The following SLC26A8 variants were observed in gnomAD, a reference collection of about 807,000 sequenced individuals.
SLC26A8 encodes solute carrier family 26 member 8.
A neutral mutation model predicts 105.0 loss-of-function variants in SLC26A8; 70 were observed. That is an observed-to-expected ratio of 0.67 (90% CI 0.55 to 0.81). SLC26A8 has a LOEUF of 0.81. SLC26A8 is among the 40% of genes least tolerant of loss of function. The pLI, the probability that SLC26A8 is intolerant of heterozygous loss-of-function variation, is 0.00. For missense variants in SLC26A8, 998 were observed against 1,181.8 expected (o/e 0.84, Z 2.28); for synonymous variants, 415 against 438.3 (o/e 0.95, Z 0.66).
intron 16 of SLC26A8, among the ~76,000 whole-genome samples, chr6:35,956,373 A>G (rs1444882061): frequency 1.4e-5 from 2 of 147,218 alleles, no homozygotes; most frequent in Non-Finnish European, 3.0e-5. Context: ...GGCTGCAGTG[A>G]GCTGTGACCA....
chr6:35,994,865 C>T (rs1013515467), intron 5 of SLC26A8, among the ~76,000 whole-genome samples: 2 of 152,254 alleles, frequency 1.3e-5, no homozygotes, highest in African/African-American at 4.8e-5. Context: ...GCGTGAGCCA[C>T]TGTGGCTGGC....
intron 11 of SLC26A8, among the ~76,000 whole-genome samples, chr6:35,968,550 C>A (rs368624878): frequency 2.5e-5 from 3 of 120,288 alleles, no homozygotes; most frequent in Admixed American, 1.6e-4. Flanking sequence ...TCTATCTACA[C>A]ACCATATAAA....
In SLC26A8 at chr6:35,992,980, G is replaced by C. The variant is rs1761220540; in HGVS notation, c.628-306C>G. Among the ~76,000 whole-genome samples the C allele has an allele frequency of 2.0e-5, 3 of 152,140 alleles. No individual in the cohort carries two copies. The South Asian group carries it at 6.2e-4, about 32-fold the overall frequency. ...TTGACTTGGGGAAAACAGGGACAAG[G>C]TGATCAGAACAAGCCTTTGCCTATT... On this transcript the variant is annotated intron_variant, in intron 5 of 19. Coordinates refer to ENST00000490799, the MANE Select transcript of SLC26A8 (RefSeq NM_052961.4).
At chr6:35,953,202 C>T (rs748345698) in intron 17 of SLC26A8, among the ~76,000 whole-genome samples, 24 of 151,976 alleles carry the variant, frequency 1.6e-4, no homozygotes, top group African/African-American at 4.4e-4. Flanking sequence ...AAGTGAAAGG[C>T]GTCTGACATT....
chr6:35,949,956 C>A lies in SLC26A8; in HGVS notation c.2472+1207G>T, dbSNP rs188073170. Among the ~76,000 whole-genome samples, 444 of 152,140 alleles carry A rather than the reference C, an allele frequency of 2.9e-3. 1 individual carries two copies. Among genetic ancestry groups the A allele is most frequent in the African/African-American group, 0.01 (421 of 41,524 alleles). On this transcript the variant is annotated intron_variant, in intron 19 of 19. Transcript: ENST00000490799. Reference sequence around the variant, plus strand: ...AAGTAGCTGGGACTACAGGCGCGTGCCACCACGCCCGGCTAATTTTTTTGT... The same window carrying A: ...AAGTAGCTGGGACTACAGGCGCGTGACACCACGCCCGGCTAATTTTTTTGT...
intron 7 of SLC26A8, among the ~76,000 whole-genome samples, chr6:35,986,248 G>A (rs1773520637): frequency 6.6e-6 from 1 of 151,846 alleles, no homozygotes; most frequent in Non-Finnish European, 1.5e-5. Context: ...TGGCCAGGCT[G>A]GTATCGAACT....
intron 2 of SLC26A8, among the ~76,000 whole-genome samples, chr6:36,013,151 A>G (rs377144179): frequency 2.6e-5 from 4 of 152,118 alleles, no homozygotes; most frequent in African/African-American, 9.6e-5. Flanking sequence ...GTAGATCTCA[A>G]CTAGGTGCAG....
intron 12 of SLC26A8, among the ~76,000 whole-genome samples, 161 bp downstream of exon 12, chr6:35,962,365 A>G (rs1772341601): frequency 6.6e-6 from 1 of 152,174 alleles, no homozygotes; most frequent in African/African-American, 2.4e-5. Context: ...TTCATGTACC[A>G]ACAACCTTGA....
rs774810182 is a variant in SLC26A8, at chr6:35,955,386, C to T, written c.1998G>A (p.Ser666=). 18 of 1,614,138 alleles carry T rather than the reference C, an allele frequency of 1.1e-5. No individual in the cohort carries two copies. Among genetic ancestry groups the T allele is most frequent in the Middle Eastern group, 1.6e-4 (1 of 6,062 alleles). ...GCCCTTGATTTTTCTGAGACACGGACGATACTGTGTATGGCACTTGGTCTT... is the reference window on the plus strand; with the variant it reads ...GCCCTTGATTTTTCTGAGACACGGATGATACTGTGTATGGCACTTGGTCTT... The part of the protein sequence containing the change: ...ASEDQVPYTV[S]SVSQKNQGQQ... Residue 666 remains serine (S), a synonymous_variant, in exon 17 of 20, where the codon TCG becomes TCA. Transcript: ENST00000490799.
intron 1 of SLC26A8, among the ~76,000 whole-genome samples, chr6:36,023,969 C>T (rs1762194026): frequency 6.6e-6 from 1 of 151,238 alleles, no homozygotes; most frequent in Non-Finnish European, 1.5e-5. Flanking sequence ...GATAGAGTAA[C>T]ATGGTGTGTT....
chr6:35,987,951 G>A (rs867522054), intron 7 of SLC26A8, among the ~76,000 whole-genome samples: 5 of 128,818 alleles, frequency 3.9e-5, no homozygotes, highest in Non-Finnish European at 6.3e-5. Context: ...TTGCTCTGTC[G>A]TCCAGGCTGG....
At chr6:35,958,252 C>T (rs764259032) in intron 16 of SLC26A8, among the ~76,000 whole-genome samples, 2 of 152,158 alleles carry the variant, frequency 1.3e-5, no homozygotes, top group Non-Finnish European at 2.9e-5. Context: ...GTAATCCCAG[C>T]ACTTTGGGAG....
At chr6:35,989,481 T>C (rs963623352) in intron 7 of SLC26A8, 9 of 152,218 alleles carry the variant, frequency 5.9e-5, no homozygotes, top group African/African-American at 9.6e-5. Context: ...TAGGAAATCA[T>C]TACACACATT....
At chr6:35,990,842 T>C (rs1761122569) in intron 7 of SLC26A8, among the ~76,000 whole-genome samples, 1 of 152,174 alleles carries the variant, frequency 6.6e-6, no homozygotes, top group Non-Finnish European at 1.5e-5. Flanking sequence ...TCAACCACTT[T>C]TTTAAACTTC....
intron 5 of SLC26A8, among the ~76,000 whole-genome samples, chr6:35,996,531 G>C (rs1325908022): frequency 6.6e-6 from 1 of 152,054 alleles, no homozygotes; most frequent in Non-Finnish European, 1.5e-5. Flanking sequence ...GAGCCTGTGA[G>C]GCCATCATTA....
At position 35,991,759 on chromosome 6, in the gene SLC26A8, A is replaced by G; in HGVS notation, c.842T>C (p.Ile281Thr). Residue 281 changes from isoleucine (I) to threonine (T), a missense_variant, in exon 7 of 20, where the codon ATT (isoleucine) becomes ACT (threonine). Transcript: ENST00000490799. The stretch of plus-strand genomic sequence containing the variant: ...AACAACAACAGTTAGAAATACTAGA[A>G]TGCTGGTGGAATTCGCTTTTGGGAG... ...VALPKANSTSILVFLTVVVAL... is the reference protein window; with the variant it reads ...VALPKANSTSTLVFLTVVVAL... The G allele has an allele frequency of 6.2e-7, 1 of 1,605,282 alleles. No homozygotes were observed. The highest frequency in any genetic ancestry group is 8.5e-7 in the Non-Finnish European group (1 of 1,177,166).
chr6:35,952,468 A>G (rs971893883), intron 17 of SLC26A8, among the ~76,000 whole-genome samples: 1 of 152,222 alleles, frequency 6.6e-6, no homozygotes, highest in Non-Finnish European at 1.5e-5. Context: ...AGTTCACTTC[A>G]AAGCAAATCA....
intron 16 of SLC26A8, among the ~76,000 whole-genome samples, chr6:35,956,903 G>A (rs1416323434): frequency 1.4e-5 from 2 of 147,160 alleles, no homozygotes; most frequent in Admixed American, 6.8e-5. Flanking sequence ...TGGGCAATAA[G>A]AGCAAAACTC....
In SLC26A8 at chr6:35,944,091, G is replaced by T; in HGVS notation, c.2722C>A (p.Pro908Thr). 6.2e-7 allele frequency: 1 copy of T among 1,614,024 alleles called. No homozygotes were observed. Among genetic ancestry groups the T allele is most frequent in the Admixed American group, 1.7e-5 (1 of 59,988 alleles). The part of the protein sequence containing the change: ...TEMEPQPETE[P>T]EMEPNPKSRP... The stretch of plus-strand genomic sequence containing the variant: ...GATTTGGGGTTGGGCTCCATCTCAG[G>T]CTCAGTCTCAGGCTGGGGCTCCATC... Residue 908 changes from proline (P) to threonine (T), a missense_variant, in exon 20 of 20, where the codon CCT becomes ACT. Pro to Thr is a conservative substitution (Grantham distance 38). Coordinates refer to ENST00000490799, the MANE Select transcript of SLC26A8 (RefSeq NM_052961.4).
Sources: allele counts gnomAD v4.1 joint callset (sites outside exome capture counted in the v4.1 genomes callset), GRCh38; gene constraint gnomAD v4.1.1; transcripts MANE v1.5; gene names NCBI Gene and HGNC (gene_info 2026-07-23, HGNC 2026-07-21).